Variants in ULK4 observed in about 807,000 individuals in gnomAD.
ULK4 encodes inactive serine/threonine-protein kinase ULK4.
ULK4 carries 133 observed loss-of-function variants against 160.6 expected under a neutral mutation model. The ratio of observed to expected loss-of-function variants is 0.83; its 90% CI spans 0.72 to 0.96. The LOEUF is 0.96. Among genes scored for constraint, ULK4 ranks in the 40% least tolerant of loss-of-function variants. The pLI, the probability that ULK4 is intolerant of heterozygous loss-of-function variation, is 0.00. For missense variants in ULK4, 1,580 were observed against 1,499.5 expected, an observed-to-expected ratio of 1.05 and a Z score of -0.89; for synonymous variants, 534 against 539.8, an observed-to-expected ratio of 0.99 and a Z score of 0.15.
chr3:41,938,196 A>G lies in ULK4; in HGVS notation c.140T>C (p.Val47Ala). The change falls in exon 3 of 37, where the codon GTC (valine) becomes GCC (alanine). Residue 47 changes from valine (V) to alanine (A), a missense_variant and splice_region_variant. Physicochemically the swap from Val to Ala is moderately conservative, Grantham distance 64. Transcript: ENST00000301831. ...KCKRPEITNW[V>A]RLTREIKHKN... ...GTGTTTTATTTCACGGGTGAGACGG[A>G]CCTATAAAAACACAGAGCAATCACT... 8 of 1,610,500 alleles carry G rather than the reference A, an allele frequency of 5.0e-6. No homozygotes were observed. Among genetic ancestry groups the G allele is most frequent in the Non-Finnish European group, 6.8e-6 (8 of 1,178,590 alleles).
At position 41,472,395 on chromosome 3, in the gene ULK4, C is replaced by T. The variant is rs558156602; in HGVS notation, c.3227-9142G>A. On this transcript the variant is annotated intron_variant, in intron 32 of 36. Coordinates refer to ENST00000301831, the MANE Select transcript of ULK4 (RefSeq NM_017886.4). ...ACCAGCCTGGCCAATATGATGAAACCCCATCTCTAATAAAAATACAAAAAT... is the reference window on the plus strand; with the variant it reads ...ACCAGCCTGGCCAATATGATGAAACTCCATCTCTAATAAAAATACAAAAAT... Among the ~76,000 whole-genome samples, 8 of 151,748 alleles carry T rather than the reference C, an allele frequency of 5.3e-5. No individual in the cohort carries two copies. The South Asian group carries it at 1.7e-3, about 32-fold the overall frequency.
At chr3:41,447,429 G>C (rs2083325639) in intron 34 of ULK4, among the ~76,000 whole-genome samples, 1 of 151,992 alleles carries the variant, frequency 6.6e-6, no homozygotes. Flanking sequence ...ACTCAACCTA[G>C]AGCAGGCAGC....
chr3:41,927,675 CAAA>C (rs35242579), intron 5 of ULK4, among the ~76,000 whole-genome samples: 3 of 118,402 alleles, frequency 2.5e-5, no homozygotes, highest in African/African-American at 3.5e-5. Context: ...AAATGGAAAG[CAAA>C]AAAAAAAAAA....
chr3:41,806,187 T>A (rs2040636774), intron 19 of ULK4, among the ~76,000 whole-genome samples: 1 of 148,596 alleles, frequency 6.7e-6, no homozygotes. Context: ...ATTCAGAGAT[T>A]CAACTTCTTC....
At chr3:41,501,668 A>G (rs2085213875) in intron 32 of ULK4, among the ~76,000 whole-genome samples, 1 of 152,142 alleles carries the variant, frequency 6.6e-6, no homozygotes, top group South Asian at 2.1e-4. Context: ...AGCCAGAATA[A>G]TTAAAATCTA....
At chr3:41,513,548 G>A (rs1341076459) in intron 32 of ULK4, among the ~76,000 whole-genome samples, 6 of 152,170 alleles carry the variant, frequency 3.9e-5, no homozygotes, top group African/African-American at 4.8e-5. Flanking sequence ...CAGGAGAATC[G>A]TTTGAACCCA....
intron 30 of ULK4, among the ~76,000 whole-genome samples, chr3:41,650,131 C>T (rs575056036): frequency 6.6e-6 from 1 of 152,294 alleles, no homozygotes; most frequent in East Asian, 1.9e-4. Context: ...TGGAGAGGAG[C>T]TACCCACTTT....
chr3:41,466,311 T>TA (rs1323025837), intron 32 of ULK4, among the ~76,000 whole-genome samples: 1 of 152,184 alleles, frequency 6.6e-6, no homozygotes, highest in Non-Finnish European at 1.5e-5. Context: ...TAAACGGAGA[T>TA]AGTAAGTATC....
At chr3:41,792,270 T>G (rs2040172451) in intron 20 of ULK4, among the ~76,000 whole-genome samples, 1 of 152,114 alleles carries the variant, frequency 6.6e-6, no homozygotes, top group East Asian at 1.9e-4. Flanking sequence ...GATTTTAAAA[T>G]TTTGAGAGGT....
chr3:41,454,539 C>CAAA lies in ULK4; in HGVS notation c.3492+955_3492+957dup, dbSNP rs11286615. 4.4e-5 allele frequency among the ~76,000 whole-genome samples: 4 copies of CAAA among 90,938 alleles called. No individual in the cohort carries two copies. The East Asian group carries it at 1.3e-3, about 30-fold the overall frequency. The allele number at this position is 90,938 out of a possible 152,430, so 59.7% of individuals were successfully genotyped here. ...TGGGCAAGAGAGCAAGACTTCATCT[C>CAAA]AAAAAAAAAAAAAAAAGAAAGAAAA... On this transcript the variant is annotated intron_variant, in intron 34 of 36. Transcript: ENST00000301831.
chr3:41,893,774 AAAAC>A (rs1258872350), intron 16 of ULK4, among the ~76,000 whole-genome samples: 8 of 152,242 alleles, frequency 5.3e-5, no homozygotes, highest in Admixed American at 2.0e-4. Flanking sequence ...GTTACAGGGG[AAAAC>A]AAACATAAAA....
At chr3:41,518,493 G>A (rs1470112074) in intron 32 of ULK4, among the ~76,000 whole-genome samples, 1 of 152,186 alleles carries the variant, frequency 6.6e-6, no homozygotes, top group Non-Finnish European at 1.5e-5. Flanking sequence ...CATGAAGGTT[G>A]ACTATTAGCT....
chr3:41,922,361 T>C (rs1699218181), intron 5 of ULK4, among the ~76,000 whole-genome samples: 1 of 151,826 alleles, frequency 6.6e-6, no homozygotes, highest in African/African-American at 2.4e-5. Context: ...GTGGTATACA[T>C]CTGCAGTCCT....
intron 35 of ULK4, among the ~76,000 whole-genome samples, chr3:41,386,920 T>C (rs574737013): frequency 1.3e-5 from 2 of 152,124 alleles, no homozygotes; most frequent in Admixed American, 6.6e-5. Context: ...GCTCTTGAGG[T>C]GGACTATCAT....
chr3:41,627,008 T>G (rs1400433093), intron 30 of ULK4, among the ~76,000 whole-genome samples: 1 of 152,188 alleles, frequency 6.6e-6, no homozygotes, highest in African/African-American at 2.4e-5. Context: ...AAAGTAGGAA[T>G]AAGGAGATTA....
rs184150958 is a variant in ULK4, at chr3:41,800,501, A to G, written c.1849-208T>C. ...TTATTCACTAGCAAGCTATCATAAC[A>G]TAACTCTCCATATATTTTAATAAAA... On this transcript the variant is annotated intron_variant, in intron 19 of 36. Transcript: ENST00000301831. Among the ~76,000 whole-genome samples, 793 of 152,332 alleles carry G rather than the reference A, an allele frequency of 5.2e-3. 11 individuals carry two copies. The highest frequency in any genetic ancestry group is 0.018 in the African/African-American group (738 of 41,576).
At chr3:41,581,746 G>A (rs2030360357) in intron 31 of ULK4, among the ~76,000 whole-genome samples, 2 of 152,130 alleles carry the variant, frequency 1.3e-5, no homozygotes, top group Admixed American at 6.5e-5. Context: ...AGGCTAAGGA[G>A]CAGTGCCATG....
chr3:41,690,190 A>C (rs537199905), intron 27 of ULK4, among the ~76,000 whole-genome samples: 1 of 149,748 alleles, frequency 6.7e-6, no homozygotes, highest in Non-Finnish European at 1.5e-5. Flanking sequence ...CTATCGCAAG[A>C]ACAAAAAACC....
chr3:41,855,035 G>A (rs775483639), intron 17 of ULK4: 1 of 150,510 alleles, frequency 6.6e-6, no homozygotes, highest in Admixed American at 6.6e-5. Flanking sequence ...TCACAGAATC[G>A]GCCTCTGAAT....
Sources: gnomAD v4.1 joint callset for allele counts (sites outside exome capture counted in the v4.1 genomes callset) on GRCh38, gnomAD v4.1.1 for gene constraint, MANE v1.5 for transcripts, NCBI Gene and HGNC (gene_info 2026-07-23, HGNC 2026-07-21) for gene names.